Variants in ACSM4 observed in about 807,000 individuals in gnomAD.
The protein encoded by ACSM4 is acyl-CoA synthetase medium chain family member 4, also known as acyl-coenzyme A synthetase ACSM4, mitochondrial.
In ACSM4, 66 loss-of-function variants were observed where a neutral mutation model predicts 73.0. The observed-to-expected ratio is 0.90, with a 90% CI of 0.74 to 1.11. The LOEUF is 1.11. Ranked by LOEUF, ACSM4 falls within the 50% of genes least tolerant of loss-of-function variation. The pLI, the probability that ACSM4 is intolerant of heterozygous loss-of-function variation, is 0.00. For missense variants in ACSM4, 645 were observed against 714.4 expected, an observed-to-expected ratio of 0.90 and a Z score of 1.11; for synonymous variants, 222 against 254.0, an observed-to-expected ratio of 0.87 and a Z score of 1.20.
rs1488703723 is a variant in ACSM4, at chr12:7,318,016, T to C, written c.765-10T>C. On this transcript the variant is annotated splice_polypyrimidine_tract_variant and intron_variant, in intron 4 of 12. Transcript: ENST00000399422. ...TTTGGTCTGTTTTGTTGCTTTTTCATATCATTTAGGTATTGGCTGGACTTG... is the reference window on the plus strand; with the variant it reads ...TTTGGTCTGTTTTGTTGCTTTTTCACATCATTTAGGTATTGGCTGGACTTG... The C allele has an allele frequency of 6.2e-7, 1 of 1,609,996 alleles. No individual in the cohort carries two copies.
rs758938104 is a variant in ACSM4, at chr12:7,306,624, C to T, written c.293C>T (p.Ser98Phe). The change falls in exon 2 of 13, where the codon TCC (serine) becomes TTC (phenylalanine). Residue 98 changes from serine (S) to phenylalanine (F), a missense_variant. Physicochemically the swap from Ser to Phe is radical, Grantham distance 155 (BLOSUM62 -2). Transcript: ENST00000399422. The stretch of plus-strand genomic sequence containing the variant: ...AGCTTCAGAGAACTGGGCTCCTTGT[C>T]CCGAAAAGCTGCCAACGTGCTCACC... Reference protein sequence around the residue: ...KWSFRELGSLSRKAANVLTKP... With the variant: ...KWSFRELGSLFRKAANVLTKP... 6.2e-7 allele frequency: 1 copy of T among 1,605,458 alleles called. No individual in the cohort carries two copies. The highest frequency in any genetic ancestry group is 8.5e-7 in the Non-Finnish European group (1 of 1,176,136).
chr12:7,323,477 A>C lies in ACSM4; in HGVS notation c.1225A>C (p.Asn409His), dbSNP rs754728409. Residue 409 changes from asparagine (N) to histidine (H), a missense_variant, in exon 9 of 13, where the codon AAT becomes CAT. Coordinates refer to ENST00000399422, the MANE Select transcript of ACSM4 (RefSeq NM_001080454.2). ...ATTCCAGATTATAGATGAAAATGGC[A>C]ATGTTCTACCACCTGGCAAAGAAGG... ...YDVQIIDENG[N>H]VLPPGKEGEI... The C allele has an allele frequency of 9.8e-5, 158 of 1,613,800 alleles. No individual in the cohort carries two copies. Among genetic ancestry groups the C allele is most frequent in the Non-Finnish European group, 1.3e-4 (154 of 1,179,830 alleles).
In ACSM4 at chr12:7,304,336, A is replaced by G. The variant is rs1946348927; in HGVS notation, c.5A>G (p.Lys2Arg). 1.9e-6 allele frequency: 3 copies of G among 1,613,900 alleles called. No individual in the cohort carries two copies. Among genetic ancestry groups the G allele is most frequent in the Non-Finnish European group, 1.7e-6 (2 of 1,179,826 alleles). The part of the protein sequence containing the change: M[K>R]IFFRYQTFRF... ...AGACAAAGTCCTTTGGGAACCATGA[A>G]GATTTTTTTCCGCTACCAGACATTT... is the stretch of plus-strand genomic sequence containing the variant. The change falls in exon 1 of 13, where the codon AAG (lysine) becomes AGG (arginine). Residue 2 changes from lysine to arginine, a missense_variant. Physicochemically the swap from Lys to Arg is conservative, Grantham distance 26. Transcript: ENST00000399422.
Position 7,324,380 on chromosome 12 carries a change from T to C in ACSM4, c.1416T>C (p.Asp472=), listed in dbSNP as rs1946487542. 2 of 1,614,090 alleles carry C rather than the reference T, an allele frequency of 1.2e-6. No individual in the cohort carries two copies. The highest frequency in any genetic ancestry group is 1.1e-5 in the South Asian group (1 of 91,074). The change falls in exon 10 of 13, where the codon GAT becomes GAC. Residue 472 remains aspartate (D), a synonymous_variant. Transcript: ENST00000399422. ...ATTTCTGGTTTGTCGGCAGAGCTGA[T>C]GATGTCATTATATCCTCTGGGTTTG... The part of the protein sequence containing the change: ...DGYFWFVGRA[D]DVIISSGYRI...
intron 1 of ACSM4, 105 bp from the exon 2 acceptor site, chr12:7,306,428 G>C (rs1946362445): frequency 9.2e-7 from 1 of 1,082,236 alleles, no homozygotes; most frequent in African/African-American, 1.6e-5. Context: ...GCTGTTAGCA[G>C]AATGCACCAG....
chr12:7,306,118 A>G (rs1946360230), intron 1 of ACSM4, among the ~76,000 whole-genome samples: 1 of 152,210 alleles, frequency 6.6e-6, no homozygotes, highest in African/African-American at 2.4e-5. Flanking sequence ...GGAATATGGG[A>G]GAGCTCACAA....
rs759952698 is a variant in ACSM4, at chr12:7,323,237, A to G, written c.1129A>G (p.Met377Val). ...ACAAAGCTTGTCCTCTCAATAGGGA[A>G]TGATTTGTGCCAATCAGAAAGGCCA... ...YEGYGQTEVG[M>V]ICANQKGQEI... Residue 377 changes from methionine (M) to valine (V), a missense_variant, in exon 8 of 13, where the codon ATG (methionine) becomes GTG (valine). By Grantham distance (21) the Met-to-Val change is conservative. Coordinates refer to ENST00000399422, the MANE Select transcript of ACSM4 (RefSeq NM_001080454.2). 2.5e-6 allele frequency: 4 copies of G among 1,607,250 alleles called. No homozygotes were observed. The highest frequency in any genetic ancestry group is 3.4e-6 in the Non-Finnish European group (4 of 1,176,806).
Position 7,319,651 on chromosome 12 carries a change from C to T in ACSM4, c.922-1074C>T, listed in dbSNP as rs188054442. Among the ~76,000 whole-genome samples, 7 of 151,918 alleles carry T rather than the reference C, an allele frequency of 4.6e-5. No homozygotes were observed. The East Asian group carries it at 1.4e-3, about 29-fold the overall frequency. On this transcript the variant is annotated intron_variant, in intron 5 of 12. Coordinates refer to ENST00000399422, the MANE Select transcript of ACSM4 (RefSeq NM_001080454.2). Reference sequence around the variant, plus strand: ...TTCGCTCACCTTGCCCCGCCACTCACCTCCTGCTGTGTGGCCCAGTTCCTA... The same window carrying T: ...TTCGCTCACCTTGCCCCGCCACTCATCTCCTGCTGTGTGGCCCAGTTCCTA...
At chr12:7,320,904 T>C (rs1946458230) in intron 6 of ACSM4, 100 bp downstream of exon 6, 1 of 1,023,566 alleles carries the variant, frequency 9.8e-7, no homozygotes, top group Non-Finnish European at 1.5e-6. Flanking sequence ...GCTTTCTCAG[T>C]CTTACCACCA....
At chr12:7,316,589 T>C (rs924043855) in intron 3 of ACSM4, among the ~76,000 whole-genome samples, 2 of 152,206 alleles carry the variant, frequency 1.3e-5, no homozygotes, top group African/African-American at 4.8e-5. Flanking sequence ...GATTGCCTGA[T>C]ACTTGAACAA....
chr12:7,324,379 A>G lies in ACSM4; in HGVS notation c.1415A>G (p.Asp472Gly). 1 of 1,614,104 alleles carries G rather than the reference A, an allele frequency of 6.2e-7. No homozygotes were observed. ...DGYFWFVGRA[D>G]DVIISSGYRI... ...TATTTCTGGTTTGTCGGCAGAGCTG[A>G]TGATGTCATTATATCCTCTGGGTTT... The change falls in exon 10 of 13, where the codon GAT (aspartate) becomes GGT (glycine). Residue 472 changes from aspartate to glycine, a missense_variant. Physicochemically the swap from Asp to Gly is moderately conservative, Grantham distance 94. Transcript: ENST00000399422.
intron 3 of ACSM4, among the ~76,000 whole-genome samples, chr12:7,314,151 G>A (rs1223439874): frequency 6.6e-6 from 1 of 152,182 alleles, no homozygotes; most frequent in Non-Finnish European, 1.5e-5. Flanking sequence ...TGTAGAAGAT[G>A]AAGGAAGAAG....
intron 3 of ACSM4, among the ~76,000 whole-genome samples, chr12:7,314,623 G>C (rs903368623): frequency 2.0e-5 from 3 of 152,096 alleles, no homozygotes; most frequent in South Asian, 2.1e-4. Context: ...TAGATAGATA[G>C]ATAGACAGAT....
chr12:7,304,450 C>A lies in ACSM4; in HGVS notation c.119C>A (p.Ala40Asp). 2 of 1,613,976 alleles carry A rather than the reference C, an allele frequency of 1.2e-6. No homozygotes were observed. The highest frequency in any genetic ancestry group is 1.7e-6 in the Non-Finnish European group (2 of 1,179,864). ...CCTCTGACTCTTGCTGACTTTGAAG[C>A]CATAAATCGCTGTAACAGGCCATTG... Reference protein sequence around the residue: ...WTPLTLADFEAINRCNRPLPK... With the variant: ...WTPLTLADFEDINRCNRPLPK... The change falls in exon 1 of 13, where the codon GCC (alanine) becomes GAC (aspartate). Residue 40 changes from alanine to aspartate, a missense_variant. Physicochemically the swap from Ala to Asp is moderately radical, Grantham distance 126. Coordinates refer to ENST00000399422, the MANE Select transcript of ACSM4 (RefSeq NM_001080454.2).
Position 7,304,309 on chromosome 12 carries a change from G to C in ACSM4, c.-23G>C. On this transcript the variant is annotated 5_prime_UTR_variant, in exon 1 of 13. Transcript: ENST00000399422. ...CTGTAGTACTTCTGTGTCCATAGCA[G>C]TAGACAAAGTCCTTTGGGAACCATG... The C allele has an allele frequency of 1.9e-6, 3 of 1,610,736 alleles. No homozygotes were observed. Among genetic ancestry groups the C allele is most frequent in the Non-Finnish European group, 2.5e-6 (3 of 1,177,096 alleles).
chr12:7,325,700 A>G (rs1042066357), intron 11 of ACSM4, among the ~76,000 whole-genome samples: 3 of 152,210 alleles, frequency 2.0e-5, no homozygotes, highest in African/African-American at 7.2e-5. Context: ...AACAAGTCTC[A>G]TGAGCCTATT....
chr12:7,322,569 T>A, intron 7 of ACSM4, 28 bp downstream of exon 7: 1 of 1,593,650 alleles, frequency 6.3e-7, no homozygotes, highest in South Asian at 1.1e-5. Flanking sequence ...TTATGTTTAG[T>A]ATATGTGGGG....
At chr12:7,307,432 C>T (rs1188325000) in intron 2 of ACSM4, among the ~76,000 whole-genome samples, 1 of 151,980 alleles carries the variant, frequency 6.6e-6, no homozygotes, top group Non-Finnish European at 1.5e-5. Context: ...CCAGATGATC[C>T]AGATAACTTC....
chr12:7,318,865 T>G (rs1274145342), intron 5 of ACSM4, among the ~76,000 whole-genome samples: 4 of 152,216 alleles, frequency 2.6e-5, no homozygotes, highest in African/African-American at 9.6e-5. Flanking sequence ...TCACCTGTTA[T>G]TTTGCTAAAT....
Sources: gnomAD v4.1 joint callset for allele counts (sites outside exome capture counted in the v4.1 genomes callset) on GRCh38, gnomAD v4.1.1 for gene constraint, MANE v1.5 for transcripts, NCBI Gene and HGNC (gene_info 2026-07-23, HGNC 2026-07-21) for gene names.